Variants in CALN1 observed in about 807,000 individuals in gnomAD.
The protein encoded by CALN1 is calneuron 1, also known as calcium-binding protein 8.
A neutral mutation model predicts 30.6 loss-of-function variants in CALN1; 17 were observed. The observed-to-expected ratio is 0.56, with a 90% CI of 0.38 to 0.83. CALN1 has a LOEUF of 0.83. CALN1 is among the 40% of genes least tolerant of loss of function. The pLI, the probability that CALN1 is intolerant of heterozygous loss-of-function variation, is 0.00. For synonymous variants in CALN1, 156 were observed against 131.4 expected (o/e 1.19, Z -1.28); for missense variants, 291 against 354.9 (o/e 0.82, Z 1.45).
chr7:72,045,557 C>A (rs961520977), intron 4 of CALN1, among the ~76,000 whole-genome samples: 3 of 152,142 alleles, frequency 2.0e-5, no homozygotes, highest in African/African-American at 7.2e-5. Context: ...GAGACAGGGT[C>A]TCTTTCTGTT....
intron 3 of CALN1, among the ~76,000 whole-genome samples, chr7:72,130,863 A>G (rs1242195434): frequency 1.4e-5 from 2 of 145,922 alleles, no homozygotes; most frequent in African/African-American, 5.1e-5. Context: ...CACAAAGCAC[A>G]TATTTTTCTT....
intron 5 of CALN1, among the ~76,000 whole-genome samples, chr7:71,931,465 C>T (rs1161742631): frequency 6.6e-6 from 1 of 151,840 alleles, no homozygotes; most frequent in Admixed American, 6.6e-5. Flanking sequence ...CGGGGTTTCA[C>T]CACGTTGCCC....
chr7:72,178,066 G>A lies in CALN1; in HGVS notation c.245-71772C>T, dbSNP rs141717354. Reference sequence around the variant, plus strand: ...CTAACCTGTCCCAATTTGAAAGGATGAGGAAGGTGTGTTTGCATTCAACTC... The same window carrying A: ...CTAACCTGTCCCAATTTGAAAGGATAAGGAAGGTGTGTTTGCATTCAACTC... On this transcript the variant is annotated intron_variant, in intron 3 of 6. Transcript: ENST00000395275. Among the ~76,000 whole-genome samples the A allele has an allele frequency of 4.1e-3, 619 of 152,300 alleles. 5 individuals are homozygous for A. The highest frequency in any genetic ancestry group is 0.014 in the African/African-American group (594 of 41,558).
chr7:72,120,530 T>C (rs759507509), intron 3 of CALN1, among the ~76,000 whole-genome samples: 26 of 152,194 alleles, frequency 1.7e-4, no homozygotes, highest in Non-Finnish European at 2.6e-4. Context: ...TGCATTTTCA[T>C]GGCCATTTCC....
intron 3 of CALN1, among the ~76,000 whole-genome samples, chr7:72,186,885 CTTTTTTTTT>C (rs34604151): frequency 3.3e-5 from 2 of 61,296 alleles, no homozygotes; most frequent in Non-Finnish European, 6.1e-5. Context: ...GAGTGCAGAG[CTTTTTTTTT>C]TTTTTTTTTT....
chr7:72,411,651 G>A (rs1390190426), intron 1 of CALN1, among the ~76,000 whole-genome samples: 1 of 152,200 alleles, frequency 6.6e-6, no homozygotes, highest in African/African-American at 2.4e-5. Context: ...GAAAAGTCTT[G>A]TCAGGCCTAA....
chr7:72,362,999 G>A (rs1308202219), intron 2 of CALN1, among the ~76,000 whole-genome samples: 2 of 152,214 alleles, frequency 1.3e-5, no homozygotes, highest in Non-Finnish European at 2.9e-5. Context: ...TATAGACAAG[G>A]TAGAAGCACC....
At chr7:72,032,052 C>CTT (rs1184047697) in intron 4 of CALN1, among the ~76,000 whole-genome samples, 2,929 of 66,526 alleles carry the variant, frequency 0.044, 278 homozygotes, top group Middle Eastern at 0.065. Context: ...TGGCTCCTGG[C>CTT]TTTTTTTTTT....
At chr7:71,885,201 C>T (rs1049981473) in intron 5 of CALN1, among the ~76,000 whole-genome samples, 1 of 152,120 alleles carries the variant, frequency 6.6e-6, no homozygotes, top group African/African-American at 2.4e-5. Flanking sequence ...GCCCAGGCTG[C>T]TCTGCAGTGG....
intron 6 of CALN1, among the ~76,000 whole-genome samples, chr7:71,799,091 A>G (rs1180007917): frequency 6.6e-6 from 1 of 152,212 alleles, no homozygotes; most frequent in Non-Finnish European, 1.5e-5. Flanking sequence ...GGTAAAAAAA[A>G]TAACTAGAAG....
chr7:71,800,340 G>A (rs1353592145), intron 6 of CALN1, among the ~76,000 whole-genome samples: 3 of 152,106 alleles, frequency 2.0e-5, no homozygotes, highest in Non-Finnish European at 4.4e-5. Context: ...CTTCCCCAGG[G>A]GGCTTCCTGG....
intron 3 of CALN1, among the ~76,000 whole-genome samples, chr7:72,190,466 CTTAT>C (rs1390642492): frequency 6.6e-6 from 1 of 152,190 alleles, no homozygotes; most frequent in Non-Finnish European, 1.5e-5. Flanking sequence ...ATTTCCCAGA[CTTAT>C]TTGACTGTGG....
At chr7:71,908,925 C>A (rs1794281459) in intron 5 of CALN1, among the ~76,000 whole-genome samples, 1 of 152,210 alleles carries the variant, frequency 6.6e-6, no homozygotes, top group Admixed American at 6.5e-5. Context: ...TTTCAGGGAT[C>A]CAGCAACGTC....
At chr7:72,394,662 CT>C (rs11313018) in intron 2 of CALN1, among the ~76,000 whole-genome samples, 92,344 of 125,968 alleles carry the variant, frequency 0.73, 32,821 homozygotes, top group East Asian at 0.93. Flanking sequence ...GTACCATTGA[CT>C]TTTTTTTTTT....
rs1270781023 is a variant in CALN1 at position 72,296,745 on chromosome 7, TTCTC to T, written c.120-17939_120-17936del. ...ATTTTTTATTGTGTCTATTTGATTC[TTCTC>T]TCTTTTTTTATTAGTCTTGCTAGCG... is the stretch of plus-strand genomic sequence containing the variant. On this transcript the variant is annotated intron_variant, in intron 2 of 6. Coordinates refer to ENST00000395275, the MANE Select transcript of CALN1 (RefSeq NM_031468.4). 2.7e-5 allele frequency among the ~76,000 whole-genome samples: 4 copies of T among 150,878 alleles called. No homozygotes were observed. In the South Asian group the frequency reaches 6.4e-4, roughly 24 times the overall value.
At chr7:71,883,551 C>A (rs1792712516) in intron 5 of CALN1, among the ~76,000 whole-genome samples, 1 of 152,074 alleles carries the variant, frequency 6.6e-6, no homozygotes, top group Admixed American at 6.6e-5. Flanking sequence ...ACATAATGAG[C>A]AGGAAGTGTG....
chr7:72,065,823 G>A (rs1029098231), intron 4 of CALN1, among the ~76,000 whole-genome samples: 5 of 152,112 alleles, frequency 3.3e-5, no homozygotes, highest in African/African-American at 1.2e-4. Flanking sequence ...AACCTGGGAG[G>A]CAGAGGTTGC....
At chr7:71,992,790 G>C (rs936792751) in intron 5 of CALN1, among the ~76,000 whole-genome samples, 1 of 152,132 alleles carries the variant, frequency 6.6e-6, no homozygotes, top group Non-Finnish European at 1.5e-5. Context: ...CCGAAATATC[G>C]TTATTAAATC....
intron 1 of CALN1, 94 bp from the exon 2 acceptor site, chr7:72,403,536 C>A: frequency 1.9e-6 from 1 of 534,124 alleles, no homozygotes; most frequent in Admixed American, 3.1e-5. Flanking sequence ...CCCTCCCTTC[C>A]GTGTTTACAC....
Sources: gnomAD v4.1 joint callset for allele counts (sites outside exome capture counted in the v4.1 genomes callset) on GRCh38, gnomAD v4.1.1 for gene constraint, MANE v1.5 for transcripts, NCBI Gene and HGNC (gene_info 2026-07-23, HGNC 2026-07-21) for gene names.